The following ZNF827 variants were observed in gnomAD, a reference collection of about 807,000 sequenced individuals.
ZNF827 encodes zinc finger protein 827.
A neutral mutation model predicts 102.4 loss-of-function variants in ZNF827; 13 were observed. That is an observed-to-expected ratio of 0.13 (90% confidence interval 0.08 to 0.20). ZNF827 has a LOEUF of 0.20. Among genes scored for constraint, ZNF827 ranks in the 10% least tolerant of loss-of-function variants. The pLI is 1.00. For missense variants in ZNF827, 1,103 were observed against 1,344.4 expected, an observed-to-expected ratio of 0.82 and a Z score of 2.81; for synonymous variants, 523 against 536.2, an observed-to-expected ratio of 0.98 and a Z score of 0.34.
At position 145,903,237 on chromosome 4, in the gene ZNF827, A is replaced by G. The variant is rs746081178; in HGVS notation, c.44-22T>C. 13 of 1,582,144 alleles carry G rather than the reference A, an allele frequency of 8.2e-6. No individual in the cohort carries two copies. In the African/African-American group the frequency reaches 1.7e-4, roughly 21 times the overall value. ...ACATCTGGGGAGAATTAAGAAGATC[A>G]GGTTTACTCCCAAAGTGAACAATAA... On this transcript the variant is annotated intron_variant, in intron 1 of 14. Transcript: ENST00000508784.
intron 11 of ZNF827, among the ~76,000 whole-genome samples, chr4:145,767,258 T>C (rs1232515488): frequency 6.6e-6 from 1 of 152,210 alleles, no homozygotes; most frequent in Non-Finnish European, 1.5e-5. Context: ...CAGTGTCTAT[T>C]ACCAGCAGTA....
chr4:145,832,372 T>A (rs1744307315), intron 7 of ZNF827: 1 of 150,356 alleles, frequency 6.7e-6, no homozygotes. Context: ...ACAAAATGCT[T>A]AAGAGCACTA....
At chr4:145,801,204 C>G (rs1002613793) in intron 8 of ZNF827, among the ~76,000 whole-genome samples, 3 of 152,088 alleles carry the variant, frequency 2.0e-5, no homozygotes, top group Non-Finnish European at 4.4e-5. Context: ...TTTATAGAAT[C>G]TCTAATGGTA....
chr4:145,796,062 C>T (rs919419928), intron 8 of ZNF827, among the ~76,000 whole-genome samples: 27 of 152,204 alleles, frequency 1.8e-4, no homozygotes, highest in Non-Finnish European at 5.9e-5. Flanking sequence ...TTTCAGGTTT[C>T]ACTGTCTACC....
intron 1 of ZNF827, among the ~76,000 whole-genome samples, chr4:145,905,199 T>C (rs1428465798): frequency 2.0e-5 from 3 of 152,258 alleles, no homozygotes. Flanking sequence ...GTCTGGTCCC[T>C]AGCAGAGTTC....
rs557033079 is a variant in ZNF827, at chr4:145,893,347, G to C, written c.1094-932C>G. ...AGGGAATAAAAAGAAGCAGAATCAA[G>C]AACTTAGACATTTCTTTCTTAATCA... On this transcript the variant is annotated intron_variant, in intron 2 of 14. Transcript: ENST00000508784. Among the ~76,000 whole-genome samples the C allele has an allele frequency of 3.9e-5, 6 of 152,284 alleles. No homozygotes were observed. In the South Asian group the frequency reaches 1.2e-3, roughly 32 times the overall value.
chr4:145,929,087 G>A (rs1486917590), intron 1 of ZNF827, among the ~76,000 whole-genome samples: 1 of 152,140 alleles, frequency 6.6e-6, no homozygotes, highest in East Asian at 1.9e-4. Flanking sequence ...TATCTGTGTG[G>A]GGCAAAACAC....
chr4:145,910,974 A>C (rs2126924314), intron 1 of ZNF827, among the ~76,000 whole-genome samples: 1 of 152,326 alleles, frequency 6.6e-6, no homozygotes, highest in East Asian at 1.9e-4. Context: ...TTGGTACTGA[A>C]CACAGAGCAG....
chr4:145,849,685 C>T (rs762791272), intron 5 of ZNF827, 124 bp from the exon 6 acceptor site: 187 of 1,412,832 alleles, frequency 1.3e-4, no homozygotes, highest in Admixed American at 9.7e-4. Flanking sequence ...TGAGCGTGCA[C>T]GGCACACTGG....
chr4:145,760,656 AC>A lies in ZNF827; in HGVS notation c.*959del, dbSNP rs1734346613. The A allele has an allele frequency of 1.7e-6, 1 of 579,586 alleles. No individual in the cohort carries two copies. The highest frequency in any genetic ancestry group is 2.3e-6 in the Non-Finnish European group (1 of 428,740). 35.9% of individuals were successfully genotyped at this position (579,586 alleles called of 1,614,324 possible). ...AAGATATACAGTACACATGTTCCAG[AC>A]CCATCGGGGTCTGTAGGTTTTGCAG... On this transcript the variant is annotated 3_prime_UTR_variant, in exon 15 of 15. Coordinates refer to ENST00000508784, the MANE Select transcript of ZNF827 (RefSeq NM_001306215.2).
At chr4:145,876,283 CA>C (rs1486123950) in intron 4 of ZNF827, among the ~76,000 whole-genome samples, 5 of 152,164 alleles carry the variant, frequency 3.3e-5, no homozygotes, top group Non-Finnish European at 5.9e-5. Flanking sequence ...GACTGTCTTG[CA>C]CATTGTAGGA....
At chr4:145,834,719 T>A (rs531342631) in intron 7 of ZNF827, among the ~76,000 whole-genome samples, 10 of 152,240 alleles carry the variant, frequency 6.6e-5, no homozygotes, top group Non-Finnish European at 1.2e-4. Context: ...CCTGAGACAC[T>A]TTACAGCCCT....
chr4:145,800,078 G>A (rs1214084092), intron 8 of ZNF827, among the ~76,000 whole-genome samples: 3 of 152,020 alleles, frequency 2.0e-5, no homozygotes, highest in African/African-American at 7.2e-5. Flanking sequence ...TGCTTAGTTA[G>A]TTTATAGAGA....
intron 5 of ZNF827, among the ~76,000 whole-genome samples, chr4:145,862,725 C>T (rs1184177174): frequency 1.3e-5 from 2 of 152,094 alleles, no homozygotes; most frequent in Non-Finnish European, 2.9e-5. Flanking sequence ...AGGTATTATT[C>T]AATAAATTTG....
intron 7 of ZNF827, among the ~76,000 whole-genome samples, chr4:145,835,447 A>G (rs62345815): frequency 0.036 from 5,481 of 151,132 alleles, 120 homozygotes; most frequent in Non-Finnish European, 0.052. Context: ...GTGCCAACTT[A>G]GACAACACTC....
intron 11 of ZNF827, 44 bp downstream of exon 11, chr4:145,774,462 G>C (rs781152154): frequency 1.4e-5 from 22 of 1,579,936 alleles, no homozygotes; most frequent in Non-Finnish European, 1.9e-5. Context: ...CTGGGGTGCA[G>C]GGGATGGAGA....
intron 8 of ZNF827, among the ~76,000 whole-genome samples, chr4:145,781,057 G>A (rs559312986): frequency 7.2e-4 from 109 of 152,010 alleles, no homozygotes; most frequent in Middle Eastern, 3.4e-3. Flanking sequence ...TTAGCCGGGC[G>A]TGGTGGCGGG....
At chr4:145,830,950 T>C (rs1432384616) in intron 7 of ZNF827, 1 of 152,240 alleles carries the variant, frequency 6.6e-6, no homozygotes, top group Non-Finnish European at 1.5e-5. Context: ...TGTGCCCAGA[T>C]ATTAACATGT....
At chr4:145,836,671 AC>A (rs1744874344) in intron 7 of ZNF827, among the ~76,000 whole-genome samples, 1 of 151,052 alleles carries the variant, frequency 6.6e-6, no homozygotes, top group Non-Finnish European at 1.5e-5. Context: ...CCTGACATTC[AC>A]CCCATTTCCC....
Sources: allele counts gnomAD v4.1 joint callset (sites outside exome capture counted in the v4.1 genomes callset), GRCh38; gene constraint gnomAD v4.1.1; transcripts MANE v1.5; gene names NCBI Gene and HGNC (gene_info 2026-07-23, HGNC 2026-07-21).